Variants in TTC29 observed in about 807,000 individuals in gnomAD.
TTC29 encodes tetratricopeptide repeat protein 29.
In TTC29, 49 loss-of-function variants were observed where a neutral mutation model predicts 58.1. The ratio of observed to expected loss-of-function variants is 0.84; its 90% CI spans 0.67 to 1.07. The LOEUF (loss-of-function observed/expected upper bound fraction) is 1.07, where lower values mean the gene tolerates loss of function less well. TTC29 is among the 50% of genes least tolerant of loss of function. TTC29 has a pLI of 0.00. For missense variants in TTC29, 582 were observed against 555.6 expected (o/e 1.05, Z -0.48); for synonymous variants, 209 against 196.8 (o/e 1.06, Z -0.52).
At chr4:146,800,067 T>C (rs967565159) in intron 11 of TTC29, among the ~76,000 whole-genome samples, 5 of 152,234 alleles carry the variant, frequency 3.3e-5, no homozygotes, top group South Asian at 2.1e-4. Context: ...TGCAATCAAT[T>C]TGAATTTCTT....
intron 8 of TTC29, among the ~76,000 whole-genome samples, chr4:146,851,631 A>T (rs1729522572): frequency 6.6e-6 from 1 of 152,222 alleles, no homozygotes; most frequent in Non-Finnish European, 1.5e-5. Flanking sequence ...TGAGGATTGT[A>T]GGTATAATAT....
intron 8 of TTC29, among the ~76,000 whole-genome samples, chr4:146,854,769 C>A (rs1390139759): frequency 6.6e-6 from 1 of 152,164 alleles, no homozygotes; most frequent in Non-Finnish European, 1.5e-5. Flanking sequence ...CCTTGCCAAA[C>A]TTTCACACTA....
chr4:146,765,612 C>T (rs1747249446), intron 11 of TTC29, among the ~76,000 whole-genome samples: 1 of 152,294 alleles, frequency 6.6e-6, no homozygotes, highest in Non-Finnish European at 1.5e-5. Flanking sequence ...TCTCTGCATA[C>T]TAAGTACGTG....
chr4:146,716,572 A>G (rs1742944283), intron 11 of TTC29, among the ~76,000 whole-genome samples: 1 of 152,170 alleles, frequency 6.6e-6, no homozygotes, highest in Admixed American at 6.6e-5. Flanking sequence ...GATATTTTTA[A>G]TGAATAATCC....
intron 8 of TTC29, among the ~76,000 whole-genome samples, chr4:146,863,742 C>T (rs192085330): frequency 6.6e-6 from 1 of 152,210 alleles, no homozygotes; most frequent in Admixed American, 6.5e-5. Context: ...AGTTTGAAGG[C>T]CTGCAAACTG....
At chr4:146,744,748 T>C (rs551508971) in intron 11 of TTC29, among the ~76,000 whole-genome samples, 9 of 152,138 alleles carry the variant, frequency 5.9e-5, no homozygotes, top group Non-Finnish European at 1.3e-4. Context: ...GTGTATGAGA[T>C]CTCTGAGGGC....
intron 8 of TTC29, among the ~76,000 whole-genome samples, chr4:146,838,300 A>C (rs934820004): frequency 1.4e-4 from 21 of 152,068 alleles, no homozygotes; most frequent in African/African-American, 4.8e-4. Context: ...AGATTCTTTG[A>C]AGAAGTGTTG....
At chr4:146,736,033 C>A (rs1323205906) in intron 11 of TTC29, among the ~76,000 whole-genome samples, 1 of 152,072 alleles carries the variant, frequency 6.6e-6, no homozygotes, top group Admixed American at 6.6e-5. Flanking sequence ...GGAGTCCCTG[C>A]CGGTCATCCA....
intron 6 of TTC29, among the ~76,000 whole-genome samples, chr4:146,897,367 G>A (rs1024330970): frequency 3.3e-5 from 5 of 152,118 alleles, no homozygotes; most frequent in Non-Finnish European, 5.9e-5. Context: ...GCAATCAATC[G>A]TGACCTATTG....
intron 11 of TTC29, among the ~76,000 whole-genome samples, chr4:146,728,849 A>ATATATAAG (rs1267339124): frequency 3.7e-5 from 2 of 54,376 alleles, no homozygotes; most frequent in Non-Finnish European, 8.2e-5. Flanking sequence ...ATATATATGT[A>ATATATAAG]TATATATACA....
intron 10 of TTC29, among the ~76,000 whole-genome samples, chr4:146,813,800 AT>A (rs557592570): frequency 5.4e-4 from 83 of 152,334 alleles, no homozygotes; most frequent in Non-Finnish European, 6.9e-4. Context: ...CCTGGCCAAC[AT>A]GGTGAAACCC....
intron 8 of TTC29, among the ~76,000 whole-genome samples, chr4:146,849,819 C>G (rs1225928568): frequency 6.6e-6 from 1 of 152,160 alleles, no homozygotes; most frequent in Non-Finnish European, 1.5e-5. Context: ...TTTGCCCTGG[C>G]CATTACCACT....
At chr4:146,750,898 A>C (rs1251426021) in intron 11 of TTC29, among the ~76,000 whole-genome samples, 1 of 152,230 alleles carries the variant, frequency 6.6e-6, no homozygotes, top group Non-Finnish European at 1.5e-5. Flanking sequence ...TAAATGGATT[A>C]AATTATCCAA....
intron 11 of TTC29, among the ~76,000 whole-genome samples, chr4:146,799,996 C>T (rs1249937308): frequency 1.3e-5 from 2 of 152,194 alleles, no homozygotes; most frequent in Non-Finnish European, 2.9e-5. Flanking sequence ...AATTCATGGG[C>T]TCTTAAGCCT....
At chr4:146,773,840 C>T (rs1013781786) in intron 11 of TTC29, among the ~76,000 whole-genome samples, 1 of 151,324 alleles carries the variant, frequency 6.6e-6, no homozygotes, top group Non-Finnish European at 1.5e-5. Context: ...CTTTATATAT[C>T]TGGTAGAATT....
intron 11 of TTC29, among the ~76,000 whole-genome samples, chr4:146,762,542 G>A (rs909274218): frequency 6.6e-6 from 1 of 151,914 alleles, no homozygotes; most frequent in Non-Finnish European, 1.5e-5. Flanking sequence ...CTATTAACTG[G>A]TATGTTCTAT....
At chr4:146,899,618 G>T (rs1733004146) in intron 6 of TTC29, among the ~76,000 whole-genome samples, 1 of 152,122 alleles carries the variant, frequency 6.6e-6, no homozygotes, top group Non-Finnish European at 1.5e-5. Flanking sequence ...CAGCAGTGGG[G>T]ACTTGAACCT....
At chr4:146,803,410 T>C (rs1048996406) in intron 11 of TTC29, 47 bp downstream of exon 11, 2 of 1,281,198 alleles carry the variant, frequency 1.6e-6, no homozygotes, top group Non-Finnish European at 2.2e-6. Context: ...AAATTAATCA[T>C]TGAGAATGAT....
chr4:146,718,066 T>C (rs981152174), intron 11 of TTC29, among the ~76,000 whole-genome samples: 2 of 152,180 alleles, frequency 1.3e-5, no homozygotes, highest in African/African-American at 4.8e-5. Flanking sequence ...TGACAGGATT[T>C]ATCATTTTTT....
Sources: allele counts gnomAD v4.1 joint callset (sites outside exome capture counted in the v4.1 genomes callset), GRCh38; gene constraint gnomAD v4.1.1; transcripts MANE v1.5; gene names NCBI Gene and HGNC (gene_info 2026-07-23, HGNC 2026-07-21).